The following SLC44A1 variants were observed in gnomAD, a reference collection of about 807,000 sequenced individuals.
SLC44A1 encodes the protein solute carrier family 44 member 1.
A neutral mutation model predicts 79.3 loss-of-function variants in SLC44A1; 26 were observed. The observed-to-expected ratio is 0.33, with a 90% CI of 0.24 to 0.46. The LOEUF is 0.46. SLC44A1 is among the 20% of genes least tolerant of loss of function. The pLI is 1.00. For synonymous variants in SLC44A1, 263 were observed against 286.2 expected (o/e 0.92, Z 0.82); for missense variants, 688 against 798.1 (o/e 0.86, Z 1.66).
At position 105,395,307 on chromosome 9, in the gene SLC44A1, C is replaced by T. The variant is rs1447354852; in HGVS notation, c.*6251C>T. 8 of 523,674 alleles carry T rather than the reference C, an allele frequency of 1.5e-5. No homozygotes were observed. The highest frequency in any genetic ancestry group is 2.0e-5 in the Non-Finnish European group (8 of 408,674). 32.4% of individuals were successfully genotyped at this position (523,674 alleles called of 1,614,324 possible). Reference sequence around the variant, plus strand: ...AATCTTAGCTCACTGCAACCTCCACCTCCCAGGTTCAAGTGATTCTCCTGC... The same window carrying T: ...AATCTTAGCTCACTGCAACCTCCACTTCCCAGGTTCAAGTGATTCTCCTGC... On this transcript the variant is annotated 3_prime_UTR_variant, in exon 16 of 16. Transcript: ENST00000374720.
chr9:105,422,067 T>C (rs1396291148), intron 15 of SLC44A1, among the ~76,000 whole-genome samples: 1 of 152,216 alleles, frequency 6.6e-6, no homozygotes, highest in African/African-American at 2.4e-5. Flanking sequence ...TGGACTCTCC[T>C]ACCTGAGTGA....
chr9:105,407,933 G>A (rs538435737), intron 15 of SLC44A1, among the ~76,000 whole-genome samples: 7 of 151,692 alleles, frequency 4.6e-5, no homozygotes, highest in African/African-American at 9.7e-5. Context: ...TTGAGAGGCC[G>A]AGGCAGGTGG....
At chr9:105,327,703 T>A (rs774226737) in intron 3 of SLC44A1, among the ~76,000 whole-genome samples, 1 of 152,228 alleles carries the variant, frequency 6.6e-6, no homozygotes, top group African/African-American at 2.4e-5. Flanking sequence ...GTTCCTGCGC[T>A]GTTCCTACCC....
At chr9:105,249,865 A>ATTTTTTT in intron 1 of SLC44A1, among the ~76,000 whole-genome samples, 1 of 127,388 alleles carries the variant, frequency 7.9e-6, no homozygotes, top group Non-Finnish European at 1.6e-5. Flanking sequence ...CAGTTTACTA[A>ATTTTTTT]TTTTTTTTTT....
At chr9:105,404,269 G>A (rs1013635538) in intron 15 of SLC44A1, among the ~76,000 whole-genome samples, 4 of 150,122 alleles carry the variant, frequency 2.7e-5, no homozygotes, top group African/African-American at 5.0e-5. Context: ...TGGAGAGAAA[G>A]GGATATATTT....
rs1351774440 is a variant in SLC44A1 at position 105,383,001 on chromosome 9, GATGGA to G, written c.1633-117_1633-113del. 7.3e-5 allele frequency: 49 copies of G among 668,362 alleles called. No homozygotes were observed. The African/African-American group carries it at 8.3e-4, about 11-fold the overall frequency. The allele number at this position is 668,362 out of a possible 1,614,324, so 41.4% of individuals were successfully genotyped here. A position where few individuals can be genotyped will look rare whatever the true frequency, so the allele number is the denominator to read the frequency against. ...ATGTGGATTATATTTCCTCATTTGAGATGGAATGGCCTCATGCAACCATCATTTAT... is the reference window on the plus strand; with the variant it reads ...ATGTGGATTATATTTCCTCATTTGAGATGGCCTCATGCAACCATCATTTAT... On this transcript the variant is annotated intron_variant, in intron 13 of 15. Transcript: ENST00000374720.
intron 1 of SLC44A1, among the ~76,000 whole-genome samples, chr9:105,278,342 G>A (rs368780602): frequency 2.6e-5 from 4 of 151,970 alleles, no homozygotes; most frequent in African/African-American, 4.8e-5. Context: ...TCCGCCTCCC[G>A]GGTTCACACC....
In SLC44A1 at chr9:105,363,087, C is replaced by A. The variant is rs193178204; in HGVS notation, c.1087+80C>A. 5 of 1,132,570 alleles carry A rather than the reference C, an allele frequency of 4.4e-6. 1 individual carries two copies. The highest frequency in any genetic ancestry group is 1.6e-5 in the African/African-American group (1 of 63,540). 70.2% of individuals were successfully genotyped at this position (1,132,570 alleles called of 1,614,324 possible). ...TTTAGAACATCAGAGAGAGGTAATT[C>A]TTCAGACATTTGTTGATGAAGGTCC... On this transcript the variant is annotated intron_variant, in intron 9 of 15. Transcript: ENST00000374720.
intron 1 of SLC44A1, among the ~76,000 whole-genome samples, chr9:105,286,173 C>T (rs570884230): frequency 6.6e-6 from 1 of 152,246 alleles, no homozygotes; most frequent in African/African-American, 2.4e-5. Context: ...ATTCTTACGC[C>T]TCTCATTTTC....
In SLC44A1 at chr9:105,390,517, A is replaced by T. The variant is rs959559553; in HGVS notation, c.*1461A>T. On this transcript the variant is annotated 3_prime_UTR_variant, in exon 16 of 16. Transcript: ENST00000374720. ...AAAGAAAGCATTGCCTCCTACCAGA[A>T]CTAGACAGTGAATTAGATCGGTATT... The T allele has an allele frequency of 1.0e-6, 1 of 985,538 alleles. No individual in the cohort carries two copies. The highest frequency in any genetic ancestry group is 6.2e-5 in the Admixed American group (1 of 16,224). The allele number at this position is 985,538 out of a possible 1,614,324, so 61.0% of individuals were successfully genotyped here.
chr9:105,275,993 C>T (rs368287042), intron 1 of SLC44A1, among the ~76,000 whole-genome samples: 21 of 152,056 alleles, frequency 1.4e-4, no homozygotes, highest in African/African-American at 4.6e-4. Flanking sequence ...TTAGTAGAGA[C>T]GGGGTTTCAC....
At chr9:105,255,485 G>A (rs191853585) in intron 1 of SLC44A1, among the ~76,000 whole-genome samples, 14 of 152,132 alleles carry the variant, frequency 9.2e-5, no homozygotes, top group African/African-American at 2.4e-4. Flanking sequence ...TTTTATTGTA[G>A]CATTATTTAT....
intron 3 of SLC44A1, among the ~76,000 whole-genome samples, chr9:105,333,180 C>T (rs1685864171): frequency 1.3e-5 from 2 of 152,184 alleles, no homozygotes; most frequent in Non-Finnish European, 2.9e-5. Context: ...GACAGTGTAT[C>T]TATTCTCAAG....
chr9:105,361,843 A>G (rs1246112084), intron 8 of SLC44A1, among the ~76,000 whole-genome samples: 1 of 152,184 alleles, frequency 6.6e-6, no homozygotes, highest in African/African-American at 2.4e-5. Flanking sequence ...ACTTGAGCCC[A>G]CGAGTTCTAG....
intron 15 of SLC44A1, among the ~76,000 whole-genome samples, chr9:105,421,655 T>C (rs904095123): frequency 6.7e-6 from 1 of 150,328 alleles, no homozygotes; most frequent in Non-Finnish European, 1.5e-5. Context: ...TGGCGCGATC[T>C]CGGCTCACTG....
chr9:105,334,462 A>G (rs553789914), intron 3 of SLC44A1, among the ~76,000 whole-genome samples: 11 of 151,890 alleles, frequency 7.2e-5, no homozygotes, highest in African/African-American at 2.2e-4. Flanking sequence ...TTTTTATATT[A>G]GGTTATATTT....
chr9:105,299,377 A>G, intron 2 of SLC44A1, 68 bp downstream of exon 2: 1 of 1,065,030 alleles, frequency 9.4e-7, no homozygotes, highest in Non-Finnish European at 1.3e-6. Context: ...TAGTTGTTTT[A>G]ATGAGGGCAG....
Position 105,391,568 on chromosome 9 carries a change from C to T in SLC44A1, c.*2512C>T. 1 of 985,100 alleles carries T rather than the reference C, an allele frequency of 1.0e-6. No homozygotes were observed. Among genetic ancestry groups the T allele is most frequent in the Non-Finnish European group, 1.2e-6 (1 of 829,630 alleles). The allele number at this position is 985,100 out of a possible 1,614,324, so 61.0% of individuals were successfully genotyped here. ...TTTAATATGTGGAATATCACTCTTT[C>T]ATGAGCTTTATTCCTTGATTAATTT... On this transcript the variant is annotated 3_prime_UTR_variant, in exon 16 of 16. Coordinates refer to ENST00000374720, the MANE Select transcript of SLC44A1 (RefSeq NM_080546.5).
intron 15 of SLC44A1, among the ~76,000 whole-genome samples, chr9:105,407,788 T>G (rs1018016440): frequency 6.6e-6 from 1 of 151,892 alleles, no homozygotes; most frequent in Non-Finnish European, 1.5e-5. Context: ...GAGAATCACT[T>G]GAACCTGGGA....
Sources: allele counts gnomAD v4.1 joint callset (sites outside exome capture counted in the v4.1 genomes callset), GRCh38; gene constraint gnomAD v4.1.1; transcripts MANE v1.5; gene names NCBI Gene and HGNC (gene_info 2026-07-23, HGNC 2026-07-21).